GRIN2A: variants seen among roughly 807,000 people sequenced by gnomAD.
GRIN2A encodes the protein glutamate ionotropic receptor NMDA type subunit 2A, also known as glutamate receptor ionotropic, NMDA 2A.
GRIN2A carries 22 observed loss-of-function variants against 113.4 expected under a neutral mutation model. The observed-to-expected ratio is 0.19, with a 90% CI of 0.14 to 0.28. GRIN2A has a LOEUF of 0.28. Ranked by LOEUF, GRIN2A falls within the 10% of genes least tolerant of loss-of-function variation. The pLI is 1.00. For missense variants in GRIN2A, 1,502 were observed against 1,887.0 expected (o/e 0.80, Z 3.78); for synonymous variants, 827 against 738.4 (o/e 1.12, Z -1.94).
Position 9,958,195 on chromosome 16 carries a change from G to A in GRIN2A, c.415-19644C>T, listed in dbSNP as rs149751869. Among the ~76,000 whole-genome samples the A allele has an allele frequency of 3.9e-5, 6 of 152,324 alleles. No homozygotes were observed. In the East Asian group the frequency reaches 1.2e-3, roughly 29 times the overall value. ...CAATTGATGTAAAAGCATCTGGCAT[G>A]CAATTAACTTCCAATACATTTAGTT... On this transcript the variant is annotated intron_variant, in intron 2 of 12. Coordinates refer to ENST00000330684, the MANE Select transcript of GRIN2A (RefSeq NM_001134407.3).
At chr16:9,837,223 T>C (rs542645400) in intron 7 of GRIN2A, among the ~76,000 whole-genome samples, 4 of 152,254 alleles carry the variant, frequency 2.6e-5, no homozygotes, top group Admixed American at 2.0e-4. Flanking sequence ...GTCAATCAAA[T>C]AGGGATGTAA....
chr16:10,110,050 C>A (rs1365849208), intron 2 of GRIN2A, among the ~76,000 whole-genome samples: 1 of 151,918 alleles, frequency 6.6e-6, no homozygotes, highest in Non-Finnish European at 1.5e-5. Context: ...ATCCCTCCCC[C>A]ATCCCCCCAC....
At position 9,774,050 on chromosome 16, in the gene GRIN2A, G is replaced by A. The variant is rs140245551; in HGVS notation, c.2357-4961C>T. Among the ~76,000 whole-genome samples, 373 of 150,754 alleles carry A rather than the reference G, an allele frequency of 2.5e-3. 1 individual carries two copies. The highest frequency in any genetic ancestry group is 8.6e-3 in the African/African-American group (350 of 40,930). ...GCAAGGATAATTGAGGCAGTGTTGT[G>A]TGTGTGTGTCTCCAACTTGCTTCCA... On this transcript the variant is annotated intron_variant, in intron 11 of 12. Coordinates refer to ENST00000330684, the MANE Select transcript of GRIN2A (RefSeq NM_001134407.3).
chr16:10,171,161 AG>A (rs1804611529), intron 2 of GRIN2A, among the ~76,000 whole-genome samples: 1 of 152,232 alleles, frequency 6.6e-6, no homozygotes. Flanking sequence ...TTAACTTGAA[AG>A]GGTAATAAAA....
At chr16:9,780,230 G>A (rs192767915) in intron 11 of GRIN2A, among the ~76,000 whole-genome samples, 37 of 152,138 alleles carry the variant, frequency 2.4e-4, no homozygotes, top group African/African-American at 7.2e-4. Flanking sequence ...GAGTAGACGC[G>A]CTCTATTACC....
At chr16:9,968,084 C>A (rs373933726) in intron 2 of GRIN2A, among the ~76,000 whole-genome samples, 3 of 152,106 alleles carry the variant, frequency 2.0e-5, no homozygotes, top group Middle Eastern at 3.4e-3. Flanking sequence ...ATTATTGCAA[C>A]GTGATTCTTA....
intron 2 of GRIN2A, among the ~76,000 whole-genome samples, chr16:10,150,312 A>G (rs1012354057): frequency 2.7e-4 from 41 of 152,228 alleles, no homozygotes; most frequent in African/African-American, 8.9e-4. Flanking sequence ...CTCTGTCACT[A>G]TTTGGTTTCA....
chr16:9,840,433 C>A (rs190221328), intron 7 of GRIN2A, among the ~76,000 whole-genome samples: 91 of 152,162 alleles, frequency 6.0e-4, no homozygotes, highest in Non-Finnish European at 9.4e-4. Context: ...CAGGTCTCTC[C>A]CTCAACAGCT....
intron 11 of GRIN2A, among the ~76,000 whole-genome samples, chr16:9,796,384 G>T (rs755398799): frequency 1.8e-4 from 28 of 152,282 alleles, no homozygotes; most frequent in Non-Finnish European, 3.2e-4. Flanking sequence ...TTCATCCCCT[G>T]TAAGGGTGAT....
chr16:9,904,289 T>C (rs566374909), intron 3 of GRIN2A, among the ~76,000 whole-genome samples: 1 of 152,330 alleles, frequency 6.6e-6, no homozygotes, highest in East Asian at 1.9e-4. Context: ...CTCTTGCCTG[T>C]TTACAGAAGG....
chr16:10,089,955 T>C (rs2142078456), intron 2 of GRIN2A, among the ~76,000 whole-genome samples: 1 of 152,314 alleles, frequency 6.6e-6, no homozygotes, highest in South Asian at 2.1e-4. Context: ...GGTGAATTTT[T>C]ACTCTTTAGT....
At chr16:9,914,379 C>T (rs1458281841) in intron 3 of GRIN2A, among the ~76,000 whole-genome samples, 1 of 152,178 alleles carries the variant, frequency 6.6e-6, no homozygotes, top group Non-Finnish European at 1.5e-5. Context: ...AGCCTGCCAC[C>T]ATACTGGTTT....
chr16:10,078,845 G>T (rs932269896), intron 2 of GRIN2A, among the ~76,000 whole-genome samples: 1 of 152,220 alleles, frequency 6.6e-6, no homozygotes, highest in Non-Finnish European at 1.5e-5. Flanking sequence ...CGGAAAGGGA[G>T]CATGCTGACT....
intron 9 of GRIN2A, among the ~76,000 whole-genome samples, chr16:9,823,197 G>T (rs760320143): frequency 7.1e-6 from 1 of 140,104 alleles, no homozygotes; most frequent in African/African-American, 3.0e-5. Flanking sequence ...GATGTTTCAG[G>T]TGACTCAATG....
intron 2 of GRIN2A, among the ~76,000 whole-genome samples, chr16:9,950,234 T>C (rs1230093777): frequency 6.6e-6 from 1 of 152,100 alleles, no homozygotes; most frequent in African/African-American, 2.4e-5. Context: ...ACAGACTGTT[T>C]CCCTCCCCTA....
At chr16:10,032,350 A>G (rs1213039949) in intron 2 of GRIN2A, among the ~76,000 whole-genome samples, 1 of 152,244 alleles carries the variant, frequency 6.6e-6, no homozygotes, top group Non-Finnish European at 1.5e-5. Context: ...GTACAAATTA[A>G]GTGATTTTTT....
intron 2 of GRIN2A, among the ~76,000 whole-genome samples, chr16:10,161,735 A>T (rs772607995): frequency 6.6e-6 from 1 of 152,178 alleles, no homozygotes; most frequent in Non-Finnish European, 1.5e-5. Flanking sequence ...GCAGGGTGGC[A>T]TTCCTTCCAG....
chr16:9,825,932 A>G (rs1257218190), intron 9 of GRIN2A, among the ~76,000 whole-genome samples: 2 of 151,702 alleles, frequency 1.3e-5, no homozygotes, highest in East Asian at 3.9e-4. Flanking sequence ...GAAGCCAAGA[A>G]TGGTTTGAGT....
At chr16:9,907,576 C>T (rs982027561) in intron 3 of GRIN2A, among the ~76,000 whole-genome samples, 4 of 152,114 alleles carry the variant, frequency 2.6e-5, no homozygotes, top group Admixed American at 2.6e-4. Flanking sequence ...AAGAATCATA[C>T]AGTCATGCCT....
Sources: allele counts gnomAD v4.1 joint callset (sites outside exome capture counted in the v4.1 genomes callset), GRCh38; gene constraint gnomAD v4.1.1; transcripts MANE v1.5; gene names NCBI Gene and HGNC (gene_info 2026-07-23, HGNC 2026-07-21).